GPHN: variants seen among roughly 807,000 people sequenced by gnomAD.
GPHN encodes gephyrin.
GPHN carries 17 observed loss-of-function variants against 95.5 expected under a neutral mutation model. That is an observed-to-expected ratio of 0.18 (90% CI 0.12 to 0.27). The LOEUF (loss-of-function observed/expected upper bound fraction) is 0.27, where lower values mean the gene tolerates loss of function less well. Among genes scored for constraint, GPHN ranks in the 10% least tolerant of loss-of-function variants. The probability of loss-of-function intolerance (pLI) is 1.00; values close to 1 mark genes in which losing one functional copy is unlikely to be tolerated. For synonymous variants in GPHN, 320 were observed against 322.5 expected, an observed-to-expected ratio of 0.99 and a Z score of 0.08; for missense variants, 660 against 978.1, an observed-to-expected ratio of 0.67 and a Z score of 4.34.
At chr14:66,989,906 G>A (rs2071289731) in intron 9 of GPHN, among the ~76,000 whole-genome samples, 1 of 152,120 alleles carries the variant, frequency 6.6e-6, no homozygotes, top group African/African-American at 2.4e-5. Context: ...TTGGCATTCG[G>A]TGATGATTTT....
the GPHN span, among the ~76,000 whole-genome samples, chr14:67,344,244 C>G: frequency 7.7e-3 from 1,166 of 152,312 alleles, 14 homozygotes; most frequent in African/African-American, 0.025. Flanking sequence ...CCTCCCTTCT[C>G]CTAAACTTTC....
At chr14:66,736,452 G>A (rs559139927) in intron 2 of GPHN, among the ~76,000 whole-genome samples, 77 of 146,660 alleles carry the variant, frequency 5.3e-4, no homozygotes, top group Non-Finnish European at 9.2e-4. Context: ...GGGCTGGAGT[G>A]CAGTGGTGCA....
At chr14:66,650,546 T>C (rs1375206933) in intron 1 of GPHN, among the ~76,000 whole-genome samples, 2 of 152,152 alleles carry the variant, frequency 1.3e-5, no homozygotes, top group Non-Finnish European at 2.9e-5. Flanking sequence ...GACGAATCAA[T>C]GAAATAGCAG....
chr14:67,562,128 G>A, the GPHN span: 140 of 1,610,726 alleles, frequency 8.7e-5, 1 homozygote, highest in Middle Eastern at 8.2e-4. Flanking sequence ...GTTTTTACCC[G>A]AATCACAGCT....
the GPHN span, among the ~76,000 whole-genome samples, chr14:67,391,733 T>C: frequency 2.4e-4 from 36 of 152,220 alleles, no homozygotes; most frequent in Non-Finnish European, 4.4e-4. Flanking sequence ...CCCTTTTTGT[T>C]AGGCACAGGT....
chr14:67,657,623 C>CACA, the GPHN span, among the ~76,000 whole-genome samples: 4 of 139,928 alleles, frequency 2.9e-5, no homozygotes, highest in Non-Finnish European at 6.0e-5. Context: ...CACACACACA[C>CACA]CCAAAATCAA....
At chr14:67,726,867 A>C in the GPHN span, 1 of 876,542 alleles carries the variant, frequency 1.1e-6, no homozygotes, top group Non-Finnish European at 1.8e-6. Flanking sequence ...CATGGCATCA[A>C]AATTGGTTCA....
the GPHN span, among the ~76,000 whole-genome samples, chr14:67,358,757 T>TTA: frequency 6.6e-6 from 1 of 152,194 alleles, no homozygotes; most frequent in South Asian, 2.1e-4. Context: ...GGGAGCAAGT[T>TTA]GTTAGGCACA....
intron 8 of GPHN, among the ~76,000 whole-genome samples, chr14:66,925,479 A>C (rs1316801183): frequency 6.6e-6 from 1 of 151,810 alleles, no homozygotes; most frequent in Non-Finnish European, 1.5e-5. Flanking sequence ...TATCTCCGTG[A>C]GTTCAATTGT....
chr14:67,183,972 G>A (rs902358844), downstream of GPHN, among the ~76,000 whole-genome samples: 5 of 151,794 alleles, frequency 3.3e-5, no homozygotes, highest in Non-Finnish European at 7.4e-5. Context: ...TTCCATCTCA[G>A]CCTCCTGAGT....
intron 21 of GPHN, among the ~76,000 whole-genome samples, chr14:67,170,788 A>G (rs1334723288): frequency 6.6e-6 from 1 of 152,186 alleles, no homozygotes; most frequent in Non-Finnish European, 1.5e-5. Context: ...AGCTTTCCAA[A>G]TCATCCCCAC....
Position 67,100,978 on chromosome 14 carries a change from A to G in GPHN, c.1293+67A>G, listed in dbSNP as rs1595136776. On this transcript the variant is annotated intron_variant, in intron 13 of 22. Coordinates refer to ENST00000478722, the MANE Select transcript of GPHN (RefSeq NM_020806.5). ...CATGGACTTTGGGCATCTAATTCTA[A>G]ATTTCTCCTATCAGTTTAGTGGAAA... 4.4e-6 allele frequency: 4 copies of G among 907,748 alleles called. No individual in the cohort carries two copies. The East Asian group carries it at 9.6e-5, about 22-fold the overall frequency. 56.2% of individuals were successfully genotyped at this position (907,748 alleles called of 1,614,324 possible).
At chr14:66,557,767 AATC>A (rs1356604690) in intron 1 of GPHN, among the ~76,000 whole-genome samples, 1 of 152,164 alleles carries the variant, frequency 6.6e-6, no homozygotes, top group African/African-American at 2.4e-5. Context: ...TGCCATCAGA[AATC>A]ACCTTGACTT....
At chr14:66,997,017 A>C (rs977758432) in intron 9 of GPHN, among the ~76,000 whole-genome samples, 2 of 152,030 alleles carry the variant, frequency 1.3e-5, no homozygotes, top group Admixed American at 1.3e-4. Flanking sequence ...AAGCAGGGGC[A>C]CTGTTTGAGT....
the GPHN span, among the ~76,000 whole-genome samples, chr14:67,229,553 T>C: frequency 5.3e-3 from 814 of 152,280 alleles, 7 homozygotes; most frequent in African/African-American, 0.018. Flanking sequence ...ACTTTATTGT[T>C]TTGGTAGGGC....
chr14:66,509,203 T>A (rs2057929470), intron 1 of GPHN: 1 of 154,088 alleles, frequency 6.5e-6, no homozygotes, highest in African/African-American at 2.4e-5. Flanking sequence ...TCGGCTTGCG[T>A]CCGGACCTCG....
chr14:66,982,282 A>G (rs982345621), intron 9 of GPHN, among the ~76,000 whole-genome samples: 11 of 152,124 alleles, frequency 7.2e-5, no homozygotes, highest in Non-Finnish European at 1.6e-4. Flanking sequence ...AATCAAAGGG[A>G]ATCAACATCA....
At chr14:66,777,703 A>G (rs2059435139) in intron 3 of GPHN, among the ~76,000 whole-genome samples, 1 of 152,236 alleles carries the variant, frequency 6.6e-6, no homozygotes, top group Non-Finnish European at 1.5e-5. Flanking sequence ...CAGCATATAA[A>G]CAGAGCCAAA....
At chr14:67,659,691 T>C in the GPHN span, 1 of 1,558,082 alleles carries the variant, frequency 6.4e-7, no homozygotes. Flanking sequence ...CCACAGGCCC[T>C]TAAAGGAAAA....
Sources: gnomAD v4.1 joint callset for allele counts (sites outside exome capture counted in the v4.1 genomes callset) on GRCh38, gnomAD v4.1.1 for gene constraint, MANE v1.5 for transcripts, NCBI Gene and HGNC (gene_info 2026-07-23, HGNC 2026-07-21) for gene names.